Variants in COBL observed in about 807,000 individuals in gnomAD.
The protein encoded by COBL is protein cordon-bleu.
COBL carries 51 observed loss-of-function variants against 98.8 expected under a neutral mutation model. The ratio of observed to expected loss-of-function variants is 0.52; its 90% CI spans 0.41 to 0.65. The LOEUF is 0.65. COBL is among the 30% of genes least tolerant of loss of function. The probability of loss-of-function intolerance (pLI) is 0.00; values close to 1 mark genes in which losing one functional copy is unlikely to be tolerated. For synonymous variants in COBL, 634 were observed against 651.7 expected, an observed-to-expected ratio of 0.97 and a Z score of 0.41; for missense variants, 1,617 against 1,617.5, an observed-to-expected ratio of 1.00 and a Z score of 0.01.
At chr7:51,030,186 C>T (rs749797768) in intron 9 of COBL, among the ~76,000 whole-genome samples, 2 of 152,204 alleles carry the variant, frequency 1.3e-5, no homozygotes, top group African/African-American at 4.8e-5. Context: ...AAAAACTACT[C>T]GTCAGTTTTG....
chr7:51,094,765 A>C (rs1484390041), intron 6 of COBL, among the ~76,000 whole-genome samples: 1 of 152,216 alleles, frequency 6.6e-6, no homozygotes, highest in African/African-American at 2.4e-5. Context: ...AATAATTTTT[A>C]ATTCTGGTAG....
chr7:51,307,544 A>G (rs188057506), intron 1 of COBL, among the ~76,000 whole-genome samples: 2 of 152,356 alleles, frequency 1.3e-5, no homozygotes, highest in East Asian at 1.9e-4. Context: ...GTCCTTGCAA[A>G]GAACATTTTT....
At chr7:51,166,970 A>G (rs1220111203) in intron 5 of COBL, among the ~76,000 whole-genome samples, 2 of 152,196 alleles carry the variant, frequency 1.3e-5, no homozygotes, top group East Asian at 3.8e-4. Context: ...AATAAAAGCC[A>G]TATACAATAG....
At chr7:51,305,463 T>G (rs1802370149) in intron 1 of COBL, among the ~76,000 whole-genome samples, 1 of 152,188 alleles carries the variant, frequency 6.6e-6, no homozygotes, top group South Asian at 2.1e-4. Context: ...TTTCCACAGA[T>G]CAACAGTTAA....
chr7:51,086,081 G>A (rs1464622259), intron 6 of COBL, among the ~76,000 whole-genome samples: 2 of 152,064 alleles, frequency 1.3e-5, no homozygotes, highest in African/African-American at 2.4e-5. Flanking sequence ...GTTTCTGAAG[G>A]ACTACATAAT....
Position 51,026,596 on chromosome 7 carries a change from C to T in COBL, c.3454G>A (p.Ala1152Thr), listed in dbSNP as rs760254785. Residue 1152 changes from alanine to threonine, a missense_variant, in exon 11 of 13, where the codon GCA becomes ACA. Physicochemically the swap from Ala to Thr is moderately conservative, Grantham distance 58. Around this residue, in one of 3 missense-constraint regions of COBL, gnomAD observed 1,304 missense variants for 1,282.0 expected, o/e 1.02. Transcript: ENST00000265136. Reference sequence around the variant, plus strand: ...TGCCCGCGGATAGCTGCCAGCAGTGCAGATCGTTCGCCCTCTGCCTCCGTG... The same window carrying T: ...TGCCCGCGGATAGCTGCCAGCAGTGTAGATCGTTCGCCCTCTGCCTCCGTG... ...SYTEAEGERSALLAAIRGHSG... is the reference protein window; with the variant it reads ...SYTEAEGERSTLLAAIRGHSG... 2.5e-6 allele frequency: 4 copies of T among 1,614,182 alleles called. No homozygotes were observed. Among genetic ancestry groups the T allele is most frequent in the Admixed American group, 1.7e-5 (1 of 60,034 alleles).
intron 6 of COBL, among the ~76,000 whole-genome samples, chr7:51,089,090 C>T (rs188706552): frequency 6.1e-4 from 93 of 152,274 alleles, no homozygotes; most frequent in African/African-American, 2.2e-3. Flanking sequence ...GCTCGTTCCA[C>T]GGTCATGTGC....
At chr7:51,180,645 G>A (rs1253742620) in intron 5 of COBL, among the ~76,000 whole-genome samples, 2 of 152,146 alleles carry the variant, frequency 1.3e-5, no homozygotes, top group African/African-American at 4.8e-5. Flanking sequence ...TAAAACTGGA[G>A]GAACTGGAAA....
intron 1 of COBL, among the ~76,000 whole-genome samples, chr7:51,261,866 T>A (rs989477970): frequency 6.6e-6 from 1 of 152,164 alleles, no homozygotes; most frequent in Non-Finnish European, 1.5e-5. Context: ...GAGAATCACT[T>A]GAACCCAGGA....
chr7:51,265,798 T>C (rs2129155417), intron 1 of COBL, among the ~76,000 whole-genome samples: 1 of 152,294 alleles, frequency 6.6e-6, no homozygotes, highest in South Asian at 2.1e-4. Flanking sequence ...GTGGATCAAC[T>C]GTCCACGTGG....
At chr7:51,274,339 G>A (rs899184845) in intron 1 of COBL, among the ~76,000 whole-genome samples, 42 of 152,228 alleles carry the variant, frequency 2.8e-4, no homozygotes, top group African/African-American at 5.5e-4. Context: ...CTGTATCACC[G>A]CCAAAATCTT....
chr7:51,076,513 A>T (rs1299772683), intron 7 of COBL, among the ~76,000 whole-genome samples: 1 of 152,228 alleles, frequency 6.6e-6, no homozygotes, highest in Non-Finnish European at 1.5e-5. Context: ...CCTCTGCTCG[A>T]TCACTTGCTT....
At chr7:51,219,564 T>C (rs1048948690) in intron 2 of COBL, among the ~76,000 whole-genome samples, 177 bp downstream of exon 2, 4 of 152,158 alleles carry the variant, frequency 2.6e-5, no homozygotes, top group Non-Finnish European at 5.9e-5. Flanking sequence ...CCACCCCAGG[T>C]AAGACAGACA....
At chr7:51,188,046 GA>G in intron 4 of COBL, 1 of 1,054,468 alleles carries the variant, frequency 9.5e-7, no homozygotes. Flanking sequence ...ACAAGCCTCA[GA>G]GGGGGGCTGT....
intron 1 of COBL, among the ~76,000 whole-genome samples, chr7:51,310,923 T>TG (rs1216540429): frequency 3.3e-5 from 5 of 151,978 alleles, no homozygotes; most frequent in Non-Finnish European, 4.4e-5. Flanking sequence ...CCCAAAGTGC[T>TG]GGGATTACAG....
chr7:51,270,839 C>CA (rs113431445), intron 1 of COBL, among the ~76,000 whole-genome samples: 7,346 of 149,050 alleles, frequency 0.049, 379 homozygotes, highest in African/African-American at 0.13. Flanking sequence ...AAATCAAAAC[C>CA]AAAAAAAAAC....
intron 5 of COBL, among the ~76,000 whole-genome samples, chr7:51,139,125 T>C (rs1450372420): frequency 6.6e-6 from 1 of 152,240 alleles, no homozygotes; most frequent in African/African-American, 2.4e-5. Context: ...TTGCATTATC[T>C]ATTTTTTAAG....
chr7:51,070,392 AACACACACAC>A (rs369051694), intron 7 of COBL, among the ~76,000 whole-genome samples: 6 of 138,930 alleles, frequency 4.3e-5, no homozygotes, highest in African/African-American at 1.1e-4. Context: ...AAACAGTTAA[AACACACACAC>A]ACACACACAC....
intron 5 of COBL, among the ~76,000 whole-genome samples, chr7:51,173,184 T>A (rs918306933): frequency 6.6e-6 from 1 of 152,068 alleles, no homozygotes; most frequent in Non-Finnish European, 1.5e-5. Flanking sequence ...AGTTTTTTGT[T>A]TTTTGTTTTT....
Sources: gnomAD v4.1 joint callset for allele counts (sites outside exome capture counted in the v4.1 genomes callset) on GRCh38, gnomAD v4.1.1 for gene constraint, gnomAD v4.1.1 regional missense constraint, MANE v1.5 for transcripts, NCBI Gene and HGNC (gene_info 2026-07-23, HGNC 2026-07-21) for gene names.